Variants in SUGCT observed in about 807,000 individuals in gnomAD.
SUGCT encodes the protein succinyl-CoA:glutarate-CoA transferase.
In SUGCT, 41 loss-of-function variants were observed where a neutral mutation model predicts 55.0. The ratio of observed to expected loss-of-function variants is 0.74; its 90% CI spans 0.58 to 0.97. The LOEUF (loss-of-function observed/expected upper bound fraction) is 0.97, where lower values mean the gene tolerates loss of function less well. Ranked by LOEUF, SUGCT falls within the 50% of genes least tolerant of loss-of-function variation. The pLI is 0.00. For synonymous variants in SUGCT, 187 were observed against 200.4 expected, an observed-to-expected ratio of 0.93 and a Z score of 0.56; for missense variants, 568 against 547.8, an observed-to-expected ratio of 1.04 and a Z score of -0.37.
rs142362900 is a variant in SUGCT, at chr7:40,802,823, G to A, written c.1153+53326G>A. On this transcript the variant is annotated intron_variant, in intron 13 of 13. Coordinates refer to ENST00000335693, the MANE Select transcript of SUGCT (RefSeq NM_001193313.2). ...TTGGAGCTAAAAGTGGGGATTTGAAGTATGACCATCCCCAGTGTTTCTTAT... is the reference window on the plus strand; with the variant it reads ...TTGGAGCTAAAAGTGGGGATTTGAAATATGACCATCCCCAGTGTTTCTTAT... 8.0e-3 allele frequency among the ~76,000 whole-genome samples: 1,216 copies of A among 152,306 alleles called. 9 individuals carry two copies. The highest frequency in any genetic ancestry group is 0.027 in the African/African-American group (1,125 of 41,564).
At chr7:41,008,257 G>A in the SUGCT span, among the ~76,000 whole-genome samples, 1 of 152,218 alleles carries the variant, frequency 6.6e-6, no homozygotes, top group African/African-American at 2.4e-5. Flanking sequence ...CCATGCAAGT[G>A]CTGTATGTGT....
intron 13 of SUGCT, among the ~76,000 whole-genome samples, chr7:40,787,660 CAAAAAAAA>C (rs55764379): frequency 0.15 from 7,275 of 48,882 alleles, 883 homozygotes; most frequent in African/African-American, 0.4. Flanking sequence ...AAATTTTGAC[CAAAAAAAA>C]AAAAAAAAAA....
chr7:40,224,668 T>G (rs1788227327), intron 6 of SUGCT, among the ~76,000 whole-genome samples: 1 of 152,180 alleles, frequency 6.6e-6, no homozygotes, highest in Non-Finnish European at 1.5e-5. Flanking sequence ...AAAAACATCA[T>G]AGGCATGCAT....
chr7:40,981,714 C>T, the SUGCT span, among the ~76,000 whole-genome samples: 1 of 152,190 alleles, frequency 6.6e-6, no homozygotes, highest in East Asian at 1.9e-4. Flanking sequence ...CAAGTTCCAC[C>T]TTCTACAAAA....
chr7:40,404,458 G>GGTGGA (rs1355473340), intron 9 of SUGCT, among the ~76,000 whole-genome samples: 1 of 149,308 alleles, frequency 6.7e-6, no homozygotes, highest in East Asian at 2.0e-4. Flanking sequence ...TTTTTTTTGA[G>GGTGGA]GTGGAGTCTC....
chr7:40,733,931 T>C (rs1248505492), intron 12 of SUGCT, among the ~76,000 whole-genome samples: 2 of 152,208 alleles, frequency 1.3e-5, no homozygotes, highest in African/African-American at 4.8e-5. Flanking sequence ...TAAACATATT[T>C]GGCATGTATG....
At position 40,749,490 on chromosome 7, in the gene SUGCT, C is replaced by T. The variant is rs777289641; in HGVS notation, c.1146C>T (p.Ser382=). Residue 382 remains serine (S), a synonymous_variant, in exon 13 of 14, where the codon TCC becomes TCT. Coordinates refer to ENST00000335693, the MANE Select transcript of SUGCT (RefSeq NM_001193313.2). The part of the protein sequence containing the change: ...EMEHPTVGKI[S]VPGPAVRYSK... ...AGCATCCAACTGTGGGGAAGATTTCCGTCCCAGGTCTGAAAAGTTTTGGTA... is the reference window on the plus strand; with the variant it reads ...AGCATCCAACTGTGGGGAAGATTTCTGTCCCAGGTCTGAAAAGTTTTGGTA... The T allele has an allele frequency of 5.8e-5, 94 of 1,613,200 alleles. No homozygotes were observed. The highest frequency in any genetic ancestry group is 1.6e-4 in the Middle Eastern group (1 of 6,080).
intron 9 of SUGCT, among the ~76,000 whole-genome samples, chr7:40,346,766 T>C (rs1476154029): frequency 6.6e-6 from 1 of 152,118 alleles, no homozygotes; most frequent in Non-Finnish European, 1.5e-5. Context: ...CCTAATCTGA[T>C]AGGATTAGTG....
intron 12 of SUGCT, among the ~76,000 whole-genome samples, chr7:40,593,010 C>A (rs567308410): frequency 6.6e-6 from 1 of 152,298 alleles, no homozygotes; most frequent in East Asian, 1.9e-4. Flanking sequence ...GGTGATCGAA[C>A]CAGACCAGGG....
At chr7:40,664,218 G>A (rs1801486467) in intron 12 of SUGCT, among the ~76,000 whole-genome samples, 1 of 152,160 alleles carries the variant, frequency 6.6e-6, no homozygotes. Flanking sequence ...TGTTATAGCA[G>A]TCCTGGCAAA....
intron 13 of SUGCT, among the ~76,000 whole-genome samples, chr7:40,828,749 T>C (rs1792494665): frequency 6.6e-6 from 1 of 152,094 alleles, no homozygotes; most frequent in African/African-American, 2.4e-5. Context: ...AAGACTGACC[T>C]CAATATCATC....
At chr7:40,428,286 G>T (rs1344277279) in intron 9 of SUGCT, among the ~76,000 whole-genome samples, 2 of 152,090 alleles carry the variant, frequency 1.3e-5, no homozygotes, top group East Asian at 1.9e-4. Context: ...TGAATCTGTT[G>T]TAGACGGCAT....
intron 9 of SUGCT, among the ~76,000 whole-genome samples, chr7:40,393,474 GA>G (rs1785552055): frequency 6.6e-6 from 1 of 152,198 alleles, no homozygotes; most frequent in South Asian, 2.1e-4. Flanking sequence ...GTTGGATTGG[GA>G]CTTGAGGCAG....
intron 9 of SUGCT, among the ~76,000 whole-genome samples, chr7:40,338,069 T>C (rs1796817568): frequency 6.6e-6 from 1 of 152,226 alleles, no homozygotes; most frequent in Admixed American, 6.5e-5. Flanking sequence ...GAATGTTGAA[T>C]ATTGGCCCCC....
the SUGCT span, among the ~76,000 whole-genome samples, chr7:41,008,303 A>C: frequency 6.6e-6 from 1 of 152,174 alleles, no homozygotes; most frequent in Non-Finnish European, 1.5e-5. Flanking sequence ...TCCTGAACGC[A>C]GCCTTGTCTG....
intron 12 of SUGCT, among the ~76,000 whole-genome samples, chr7:40,717,934 T>G (rs892099115): frequency 2.0e-5 from 3 of 152,194 alleles, no homozygotes; most frequent in Non-Finnish European, 4.4e-5. Context: ...CTCTTCTTCT[T>G]TATTCACATA....
intron 13 of SUGCT, among the ~76,000 whole-genome samples, chr7:40,773,713 T>A (rs996106155): frequency 6.6e-6 from 1 of 152,216 alleles, no homozygotes; most frequent in Non-Finnish European, 1.5e-5. Context: ...GACCTCTAGA[T>A]AAGTAAAGTG....
At chr7:40,819,008 G>A (rs1249292688) in intron 13 of SUGCT, among the ~76,000 whole-genome samples, 2 of 148,762 alleles carry the variant, frequency 1.3e-5, no homozygotes. Flanking sequence ...AACATGTGGT[G>A]TTTGGTTTTC....
the SUGCT span, among the ~76,000 whole-genome samples, chr7:40,950,314 G>C: frequency 8.5e-5 from 13 of 152,286 alleles, no homozygotes; most frequent in Middle Eastern, 3.4e-3. Context: ...TTTGTATCCT[G>C]AGACTTTGCT....
Sources: gnomAD v4.1 joint callset for allele counts (sites outside exome capture counted in the v4.1 genomes callset) on GRCh38, gnomAD v4.1.1 for gene constraint, MANE v1.5 for transcripts, NCBI Gene and HGNC (gene_info 2026-07-23, HGNC 2026-07-21) for gene names.